SHANK1: variants seen among roughly 807,000 people sequenced by gnomAD.
SHANK1 encodes the protein SH3 and multiple ankyrin repeat domains 1, also known as SH3 and multiple ankyrin repeat domains protein 1.
A neutral mutation model predicts 165.6 loss-of-function variants in SHANK1; 35 were observed. The observed-to-expected ratio is 0.21, with a 90% CI of 0.16 to 0.28. The LOEUF is 0.28. SHANK1 is among the 10% of genes least tolerant of loss of function. The pLI is 1.00. For missense variants in SHANK1, 2,681 were observed against 3,036.4 expected (o/e 0.88, Z 2.75); for synonymous variants, 1,428 against 1,384.8 (o/e 1.03, Z -0.69).
intron 21 of SHANK1, among the ~76,000 whole-genome samples, chr19:50,677,653 G>A (rs1323799613): frequency 6.6e-6 from 1 of 152,162 alleles, no homozygotes; most frequent in Non-Finnish European, 1.5e-5. Flanking sequence ...ATTTGTAGAA[G>A]GAAGAACTCA....
chr19:50,677,827 A>G (rs1162383074), intron 21 of SHANK1, among the ~76,000 whole-genome samples: 1 of 152,180 alleles, frequency 6.6e-6, no homozygotes, highest in Non-Finnish European at 1.5e-5. Flanking sequence ...ATTTCCTGCC[A>G]TGCTGCTCTT....
chr19:50,714,349 G>C, intron 4 of SHANK1, 59 bp from the exon 5 acceptor site: 1 of 1,478,718 alleles, frequency 6.8e-7, no homozygotes, highest in Non-Finnish European at 9.4e-7. Context: ...AGAGAAGCAG[G>C]GTCCTCAAGC....
chr19:50,678,185 A>C (rs1986040547), intron 21 of SHANK1, among the ~76,000 whole-genome samples: 1 of 152,180 alleles, frequency 6.6e-6, no homozygotes, highest in Admixed American at 6.6e-5. Flanking sequence ...GCCAGCGAGT[A>C]AGGAGGAGAT....
chr19:50,668,775 G>C lies in SHANK1; in HGVS notation c.3185C>G (p.Pro1062Arg). 1.6e-6 allele frequency: 2 copies of C among 1,269,622 alleles called. No homozygotes were observed. Among genetic ancestry groups the C allele is most frequent in the East Asian group, 3.1e-5 (1 of 31,788 alleles). 78.6% of individuals were successfully genotyped at this position (1,269,622 alleles called of 1,614,324 possible). The part of the protein sequence containing the change: ...GGGPSPTPGA[P>R]SPSHHGSAGG... The stretch of plus-strand genomic sequence containing the variant: ...CGCGCTGCCGTGGTGCGATGGGGAC[G>C]GGGCCCCCGGGGTCGGGCTGGGCCC... The change falls in exon 23 of 24, where the codon CCG becomes CGG. Residue 1062 changes from proline to arginine, a missense_variant. Physicochemically the swap from Pro to Arg is moderately radical, Grantham distance 103. This residue lies in a region of SHANK1 where 1,713 missense variants were observed against 1,630.2 expected (regional missense o/e 1.05). Coordinates refer to ENST00000293441, the MANE Select transcript of SHANK1 (RefSeq NM_016148.5).
rs183158650 is a variant in SHANK1 at position 50,704,056 on chromosome 19, C to A, written c.1222+64G>T. The A allele has an allele frequency of 6.8e-4, 1,042 of 1,529,564 alleles. 10 individuals are homozygous for A. In the African/African-American group the frequency reaches 0.013, roughly 19 times the overall value. The allele number at this position is 1,529,564 out of a possible 1,614,324, so 94.7% of individuals were successfully genotyped here. On this transcript the variant is annotated intron_variant, in intron 10 of 23. Coordinates refer to ENST00000293441, the MANE Select transcript of SHANK1 (RefSeq NM_016148.5). ...CCCAAGTCAGGTCCCCCAACTCCCC[C>A]ATCCCACCATGAAACCTCAACCGCC...
chr19:50,691,739 C>T (rs1986545326), intron 15 of SHANK1, among the ~76,000 whole-genome samples: 1 of 152,190 alleles, frequency 6.6e-6, no homozygotes, highest in Admixed American at 6.5e-5. Context: ...TGCAGTGGCA[C>T]AATTATAGCT....
rs572803408 is a variant in SHANK1, at chr19:50,702,672, G to C, written c.1554-12C>G. ...GTGTCCCGCTGGAGCTGCGTACACA[G>C]AGGGCATGAGAGGAGGGGAGGGTGG... is the stretch of plus-strand genomic sequence containing the variant. On this transcript the variant is annotated splice_polypyrimidine_tract_variant and intron_variant, in intron 11 of 23. Transcript: ENST00000293441. The surrounding 1 kb of genome is among the most constrained non-coding windows in gnomAD (Gnocchi z 5.3). The C allele has an allele frequency of 1.3e-6, 2 of 1,538,912 alleles. No homozygotes were observed. Among genetic ancestry groups the C allele is most frequent in the African/African-American group, 2.7e-5 (2 of 73,012 alleles).
At chr19:50,711,251 T>G in intron 8 of SHANK1, 120 bp downstream of exon 8, 2 of 624,516 alleles carry the variant, frequency 3.2e-6, no homozygotes, top group African/African-American at 1.8e-5. Context: ...GATGAAAGGG[T>G]GGAAATAGTG....
rs1252510448 is a variant in SHANK1 at position 50,660,615 on chromosome 19, G to A, written c.*1350C>T. 1.3e-5 allele frequency among the ~76,000 whole-genome samples: 2 copies of A among 150,528 alleles called. No homozygotes were observed. Among genetic ancestry groups the A allele is most frequent in the African/African-American group, 4.9e-5 (2 of 40,702 alleles). On this transcript the variant is annotated 3_prime_UTR_variant, in exon 24 of 24. Transcript: ENST00000293441. ...TGTGCAAAAGGAAAGAAGTGGTAGA[G>A]CTCTCATCCAGGTAGAAAAGACAAG... is the stretch of plus-strand genomic sequence containing the variant.
chr19:50,661,887 GAC>G lies in SHANK1; in HGVS notation c.*76_*77del, dbSNP rs1331930913. 1.3e-6 allele frequency: 2 copies of G among 1,496,660 alleles called. No individual in the cohort carries two copies. The highest frequency in any genetic ancestry group is 1.4e-5 in the African/African-American group (1 of 72,586). 92.7% of individuals were successfully genotyped at this position (1,496,660 alleles called of 1,614,324 possible). A position where few individuals can be genotyped will look rare whatever the true frequency, so the allele number is the denominator to read the frequency against. ...AGAGTCCCTGGCCCGGGGAGAGAAT[GAC>G]AGTCAGGGGTCAGAGGTCAAGAGGC... On this transcript the variant is annotated 3_prime_UTR_variant, in exon 24 of 24. Transcript: ENST00000293441.
intron 7 of SHANK1, 24 bp downstream of exon 7, chr19:50,711,923 C>T (rs1406293130): frequency 3.7e-6 from 6 of 1,613,796 alleles, no homozygotes; most frequent in Non-Finnish European, 5.1e-6. Context: ...CACCCCAGCC[C>T]TTCATGGCCT....
chr19:50,702,577 C>T lies in SHANK1; in HGVS notation c.1637G>A (p.Arg546Lys). Residue 546 changes from arginine (R) to lysine (K), a missense_variant, in exon 12 of 24, where the codon AGG becomes AAG. Coordinates refer to ENST00000293441, the MANE Select transcript of SHANK1 (RefSeq NM_016148.5). The surrounding 1 kb of genome is among the most constrained non-coding windows in gnomAD (Gnocchi z 5.3). ...GPGGSLGSRG[R>K]RRKLYSAVPG... Reference sequence around the variant, plus strand: ...TACCGCTGAGTAGAGCTTCCTCCGCCTCCCGCGGCTGCCCAGGGAGCCCCC... The same window carrying T: ...TACCGCTGAGTAGAGCTTCCTCCGCTTCCCGCGGCTGCCCAGGGAGCCCCC... The T allele has an allele frequency of 6.2e-7, 1 of 1,609,946 alleles. No homozygotes were observed. The highest frequency in any genetic ancestry group is 1.1e-5 in the South Asian group (1 of 90,542).
At chr19:50,687,017 C>T (rs78130180) in intron 19 of SHANK1, 2 of 1,485,952 alleles carry the variant, frequency 1.3e-6, no homozygotes, top group African/African-American at 1.5e-5. Flanking sequence ...GCCCACTCAC[C>T]ACTCTTCTTC....
rs1256721950 is a variant in SHANK1 at position 50,713,104 on chromosome 19, G to A, written c.792+694C>T. 2.0e-5 allele frequency among the ~76,000 whole-genome samples: 3 copies of A among 152,170 alleles called. No homozygotes were observed. The highest frequency in any genetic ancestry group is 4.4e-5 in the Non-Finnish European group (3 of 68,044). On this transcript the variant is annotated intron_variant, in intron 6 of 23. Coordinates refer to ENST00000293441, the MANE Select transcript of SHANK1 (RefSeq NM_016148.5). This position sits in a 1 kb window ranked among gnomAD's most constrained non-coding sequence, Gnocchi z 6.2. Reference sequence around the variant, plus strand: ...AGGAAAGCATCTGAGGGAGAGAAGGGAGGGGCCGTTTAGCTGGAGCAGCTG... The same window carrying A: ...AGGAAAGCATCTGAGGGAGAGAAGGAAGGGGCCGTTTAGCTGGAGCAGCTG...
chr19:50,685,493 G>A (rs1399095597), intron 21 of SHANK1, among the ~76,000 whole-genome samples: 5 of 152,214 alleles, frequency 3.3e-5, no homozygotes, highest in Non-Finnish European at 7.3e-5. Flanking sequence ...GAGGGCTGAG[G>A]CGGGCAGATC....
In SHANK1 at chr19:50,688,812, G is replaced by A. The variant is rs1377146048; in HGVS notation, c.2172+32C>T. 5 of 1,593,438 alleles carry A rather than the reference G, an allele frequency of 3.1e-6. No homozygotes were observed. The highest frequency in any genetic ancestry group is 4.3e-6 in the Non-Finnish European group (5 of 1,168,388). On this transcript the variant is annotated intron_variant, in intron 17 of 23. Coordinates refer to ENST00000293441, the MANE Select transcript of SHANK1 (RefSeq NM_016148.5). The surrounding 1 kb of genome is among the most constrained non-coding windows in gnomAD (Gnocchi z 6.7). ...GAGGGGGTCTGGGAACTTGTCACAG[G>A]GTCCCAGGGAAGAGAGGGGGCCTGG...
At chr19:50,682,522 G>A (rs956385508) in intron 21 of SHANK1, among the ~76,000 whole-genome samples, 3 of 152,172 alleles carry the variant, frequency 2.0e-5, no homozygotes, top group Non-Finnish European at 4.4e-5. Context: ...GTCCAAGGTG[G>A]CAAATTAAGT....
rs753773691 is a variant in SHANK1 at position 50,662,654 on chromosome 19, G to C, written c.5797C>G (p.Leu1933Val). Residue 1933 changes from leucine (L) to valine (V), a missense_variant, in exon 24 of 24, where the codon CTC (leucine) becomes GTC (valine). Physicochemically the swap from Leu to Val is conservative, Grantham distance 32. Transcript: ENST00000293441. This position sits in a 1 kb window ranked among gnomAD's most constrained non-coding sequence, Gnocchi z 7.7. ...RLSDDSQSSL[L>V]SKPVSSLFQN... Reference sequence around the variant, plus strand: ...AACAGGCTGCTGACAGGCTTGGAGAGGAGTGAGGACTGGGAGTCGTCGGAG... The same window carrying C: ...AACAGGCTGCTGACAGGCTTGGAGACGAGTGAGGACTGGGAGTCGTCGGAG... The C allele has an allele frequency of 7.0e-6, 11 of 1,565,302 alleles. No homozygotes were observed. Among genetic ancestry groups the C allele is most frequent in the Non-Finnish European group, 9.5e-6 (11 of 1,154,932 alleles).
At chr19:50,677,564 G>T (rs868222963) in intron 21 of SHANK1, among the ~76,000 whole-genome samples, 21 of 152,168 alleles carry the variant, frequency 1.4e-4, no homozygotes, top group Admixed American at 2.6e-4. Context: ...TCTAAAGGAA[G>T]TTACTTTGTT....
Sources: gnomAD v4.1 joint callset for allele counts (sites outside exome capture counted in the v4.1 genomes callset) on GRCh38, gnomAD v4.1.1 for gene constraint, gnomAD v4.1.1 regional missense constraint, Gnocchi (gnomAD v3.1) non-coding constraint, MANE v1.5 for transcripts, NCBI Gene and HGNC (gene_info 2026-07-23, HGNC 2026-07-21) for gene names.